The following SCIMP variants were observed in gnomAD, a reference collection of about 807,000 sequenced individuals.
SCIMP encodes the protein SLP adaptor and CSK interacting membrane protein.
Under a neutral mutation model 22.0 loss-of-function variants are expected in SCIMP, and 18 were observed. That is an observed-to-expected ratio of 0.82 (90% CI 0.56 to 1.21). SCIMP has a LOEUF of 1.21. Ranked by LOEUF, SCIMP falls within the 50% of genes most tolerant of loss-of-function variation. SCIMP has a pLI of 0.00. For synonymous variants in SCIMP, 53 were observed against 62.2 expected, an observed-to-expected ratio of 0.85 and a Z score of 0.70; for missense variants, 155 against 171.2, an observed-to-expected ratio of 0.91 and a Z score of 0.53.
chr17:5,231,775 C>T lies in SCIMP; in HGVS notation c.21+2960G>A, dbSNP rs369572370. On this transcript the variant is annotated intron_variant, in intron 1 of 4. Transcript: ENST00000574081. ...TGTGCTGCAAAACTGGTCATCTTGG[C>T]GGGACGCGGTGGCTCACGCCTGTAA... Among the ~76,000 whole-genome samples, 6 of 152,294 alleles carry T rather than the reference C, an allele frequency of 3.9e-5. No homozygotes were observed. The East Asian group carries it at 5.8e-4, about 15-fold the overall frequency.
chr17:5,214,058 C>A (rs1179009222), intron 4 of SCIMP: 1 of 152,240 alleles, frequency 6.6e-6, no homozygotes, highest in Admixed American at 6.5e-5. Flanking sequence ...AGCTTGAATG[C>A]ACCAAGGAAA....
chr17:5,211,613 A>G (rs1167221750), intron 4 of SCIMP, among the ~76,000 whole-genome samples: 1 of 152,126 alleles, frequency 6.6e-6, no homozygotes, highest in African/African-American at 2.4e-5. Flanking sequence ...AATTTTTACA[A>G]GGAAGTGAAA....
At position 5,210,094 on chromosome 17, in the gene SCIMP, C is replaced by T. The variant is rs987466396; in HGVS notation, c.*707G>A. 3.9e-5 allele frequency: 6 copies of T among 152,152 alleles called. No homozygotes were observed. Among genetic ancestry groups the T allele is most frequent in the Non-Finnish European group, 7.3e-5 (5 of 68,038 alleles). The allele number at this position is 152,152 out of a possible 1,614,324, so 9.4% of individuals were successfully genotyped here. A position where few individuals can be genotyped will look rare whatever the true frequency, so the allele number is the denominator to read the frequency against. Reference sequence around the variant, plus strand: ...TGTAAATCAGAAGGTAACTTTTGTCCTTTGTCCATTGTTACAGTACAACTT... The same window carrying T: ...TGTAAATCAGAAGGTAACTTTTGTCTTTTGTCCATTGTTACAGTACAACTT... On this transcript the variant is annotated 3_prime_UTR_variant, in exon 5 of 5. Transcript: ENST00000574081.
intron 3 of SCIMP, among the ~76,000 whole-genome samples, chr17:5,218,313 C>T (rs2074580673): frequency 6.6e-6 from 1 of 151,716 alleles, no homozygotes; most frequent in Admixed American, 6.6e-5. Flanking sequence ...GCATGAACCA[C>T]TGCCCCTGGC....
chr17:5,211,052 T>G, intron 4 of SCIMP, 97 bp from the exon 5 acceptor site: 7 of 1,500,360 alleles, frequency 4.7e-6, no homozygotes, highest in Non-Finnish European at 6.2e-6. Context: ...TTCAGTGATC[T>G]TCCCACTTCT....
At chr17:5,217,933 T>C (rs1322086514) in intron 3 of SCIMP, among the ~76,000 whole-genome samples, 4 of 152,098 alleles carry the variant, frequency 2.6e-5, no homozygotes, top group African/African-American at 4.8e-5. Context: ...TACCCAGTAA[T>C]GGGATGGCTG....
intron 2 of SCIMP, among the ~76,000 whole-genome samples, 171 bp from the exon 3 acceptor site, chr17:5,221,521 C>T (rs2074607601): frequency 6.6e-6 from 1 of 152,162 alleles, no homozygotes; most frequent in Non-Finnish European, 1.5e-5. Flanking sequence ...AAGGCAGCCA[C>T]AGCATGGGTG....
chr17:5,227,292 A>AACAC (rs10681110), intron 1 of SCIMP, among the ~76,000 whole-genome samples: 7,773 of 144,256 alleles, frequency 0.054, 236 homozygotes, highest in Non-Finnish European at 0.064. Context: ...ACACACACAC[A>AACAC]ACACACACAC....
At chr17:5,229,204 T>A (rs1275617818) in intron 1 of SCIMP, among the ~76,000 whole-genome samples, 2 of 152,122 alleles carry the variant, frequency 1.3e-5, no homozygotes, top group African/African-American at 4.8e-5. Context: ...CTGGGTGGTT[T>A]CAGTGGAAAG....
Position 5,210,841 on chromosome 17 carries a change from T to A in SCIMP, c.398A>T (p.Asp133Val), listed in dbSNP as rs1370512054. ...TTCAGTATTTGCAGGGATTTCAACA[T>A]CGTCATAGTCATCTTCAGGCTCAAT... is the stretch of plus-strand genomic sequence containing the variant. ...SYIEPEDDYDDVEIPANTEKA... is the reference protein window; with the variant it reads ...SYIEPEDDYDVVEIPANTEKA... Residue 133 changes from aspartate to valine, a missense_variant, in exon 5 of 5, where the codon GAT (aspartate) becomes GTT (valine). Transcript: ENST00000574081. 1 of 1,611,900 alleles carries A rather than the reference T, an allele frequency of 6.2e-7. No homozygotes were observed. The highest frequency in any genetic ancestry group is 1.1e-5 in the South Asian group (1 of 90,206).
At chr17:5,229,826 C>T (rs1170880789) in intron 1 of SCIMP, among the ~76,000 whole-genome samples, 2 of 149,340 alleles carry the variant, frequency 1.3e-5, no homozygotes, top group East Asian at 2.0e-4. Flanking sequence ...TTCCCCTCCC[C>T]TCCCCTTCCC....
chr17:5,214,541 G>A (rs932417654), intron 4 of SCIMP: 1 of 172,318 alleles, frequency 5.8e-6, no homozygotes, highest in African/African-American at 2.4e-5. Flanking sequence ...GGGGGACAGA[G>A]CGAGACTCCA....
chr17:5,219,944 G>T lies in SCIMP; in HGVS notation c.209+1343C>A, dbSNP rs560996851. Among the ~76,000 whole-genome samples, 4 of 152,166 alleles carry T rather than the reference G, an allele frequency of 2.6e-5. No individual in the cohort carries two copies. In the East Asian group the frequency reaches 7.7e-4, roughly 29 times the overall value. On this transcript the variant is annotated intron_variant, in intron 3 of 4. Transcript: ENST00000574081. ...CTTCACTGGGAGAGGACAACTGCAAGCTTTGCCTGCTTTCTGCTAGACCCC... is the reference window on the plus strand; with the variant it reads ...CTTCACTGGGAGAGGACAACTGCAATCTTTGCCTGCTTTCTGCTAGACCCC...
intron 3 of SCIMP, 144 bp downstream of exon 3, chr17:5,221,143 A>C: frequency 6.9e-6 from 5 of 726,962 alleles, no homozygotes; most frequent in Middle Eastern, 2.3e-4. Context: ...CCTTATGTGG[A>C]GAGATTTGGC....
intron 2 of SCIMP, among the ~76,000 whole-genome samples, chr17:5,222,636 G>C (rs1483350731): frequency 6.6e-6 from 1 of 152,082 alleles, no homozygotes; most frequent in South Asian, 2.1e-4. Flanking sequence ...GCTGTGGATT[G>C]AGTCCATATT....
chr17:5,211,023 C>A, intron 4 of SCIMP, 68 bp from the exon 5 acceptor site: 1 of 1,532,938 alleles, frequency 6.5e-7, no homozygotes, highest in Non-Finnish European at 8.7e-7. Context: ...AAGGCAGTGG[C>A]TCAGCGTGAT....
chr17:5,212,646 A>G (rs2074534238), intron 4 of SCIMP, among the ~76,000 whole-genome samples: 1 of 151,864 alleles, frequency 6.6e-6, no homozygotes, highest in Admixed American at 6.6e-5. Context: ...AAAACAAACA[A>G]ACAAAAAAAT....
Position 5,210,664 on chromosome 17 carries a change from T to A in SCIMP, c.*137A>T. The A allele has an allele frequency of 8.4e-7, 1 of 1,197,344 alleles. No individual in the cohort carries two copies. Among genetic ancestry groups the A allele is most frequent in the Non-Finnish European group, 1.1e-6 (1 of 870,134 alleles). 74.2% of individuals were successfully genotyped at this position (1,197,344 alleles called of 1,614,324 possible). ...TCTTCATCTAAGGTTTGGGAAGTGC[T>A]TTATCTTATAGAGCTTCATAAAATC... is the stretch of plus-strand genomic sequence containing the variant. On this transcript the variant is annotated 3_prime_UTR_variant, in exon 5 of 5. Coordinates refer to ENST00000574081, the MANE Select transcript of SCIMP (RefSeq NM_207103.3).
chr17:5,234,256 A>G (rs2074726553), intron 1 of SCIMP, among the ~76,000 whole-genome samples: 1 of 152,054 alleles, frequency 6.6e-6, no homozygotes, highest in African/African-American at 2.4e-5. Flanking sequence ...GGGCGACAAG[A>G]GCGAAACTCC....
Sources: gnomAD v4.1 joint callset for allele counts (sites outside exome capture counted in the v4.1 genomes callset) on GRCh38, gnomAD v4.1.1 for gene constraint, MANE v1.5 for transcripts, NCBI Gene and HGNC (gene_info 2026-07-23, HGNC 2026-07-21) for gene names.